The following CTNNA2 variants were observed in gnomAD, a reference collection of about 807,000 sequenced individuals.
CTNNA2 encodes the protein catenin alpha 2, also known as catenin alpha-2.
A neutral mutation model predicts 101.0 loss-of-function variants in CTNNA2; 42 were observed. That is an observed-to-expected ratio of 0.42 (90% CI 0.32 to 0.54). The LOEUF (loss-of-function observed/expected upper bound fraction) is 0.54. Ranked by LOEUF, CTNNA2 falls within the 20% of genes least tolerant of loss-of-function variation. CTNNA2 has a pLI of 0.14. For synonymous variants in CTNNA2, 450 were observed against 456.4 expected (o/e 0.99, Z 0.18); for missense variants, 871 against 1,223.1 (o/e 0.71, Z 4.29).
chr2:80,644,795 G>A (rs889562081), intron 18 of CTNNA2, among the ~76,000 whole-genome samples: 1 of 152,098 alleles, frequency 6.6e-6, no homozygotes, highest in South Asian at 2.1e-4. Flanking sequence ...ATCTGCCTTA[G>A]CAGGTGGCTT....
At position 80,383,884 on chromosome 2, in the gene CTNNA2, A is replaced by T. The variant is rs1173937041; in HGVS notation, c.1057-9327A>T. On this transcript the variant is annotated intron_variant, in intron 7 of 18. Transcript: ENST00000402739. ...CACGTACTAATTTGTTTATTGCAGC[A>T]CTCTTCACAATAGCAAAGACATGGT... Among the ~76,000 whole-genome samples, 2 of 152,096 alleles carry T rather than the reference A, an allele frequency of 1.3e-5. 1 individual carries two copies. The highest frequency in any genetic ancestry group is 3.9e-4 in the East Asian group (2 of 5,190).
At chr2:79,199,738 C>A (rs541148052) in intron 2 of CTNNA2, among the ~76,000 whole-genome samples, 1 of 152,084 alleles carries the variant, frequency 6.6e-6, no homozygotes, top group African/African-American at 2.4e-5. Context: ...AACAAGGTGC[C>A]AGCTGATTCA....
intron 3 of CTNNA2, among the ~76,000 whole-genome samples, chr2:79,823,365 A>G (rs1678168700): frequency 6.6e-6 from 1 of 152,210 alleles, no homozygotes; most frequent in African/African-American, 2.4e-5. Flanking sequence ...TAAGAGACAG[A>G]ACCATAATCG....
chr2:80,006,840 T>A (rs1354897183), intron 7 of CTNNA2, among the ~76,000 whole-genome samples: 1 of 152,162 alleles, frequency 6.6e-6, no homozygotes, highest in African/African-American at 2.4e-5. Context: ...ATTTTCACTC[T>A]GTTCTTATTG....
At chr2:79,935,911 C>T (rs1341219696) in intron 7 of CTNNA2, among the ~76,000 whole-genome samples, 1 of 152,162 alleles carries the variant, frequency 6.6e-6, no homozygotes, top group African/African-American at 2.4e-5. Context: ...AGTCACAGTT[C>T]TTTGGACTGT....
chr2:80,039,118 G>A (rs1695865192), intron 7 of CTNNA2, among the ~76,000 whole-genome samples: 1 of 152,126 alleles, frequency 6.6e-6, no homozygotes, highest in African/African-American at 2.4e-5. Context: ...TGTTTTATAT[G>A]TGTGTTTCTT....
At chr2:79,242,540 C>A (rs902754324) in intron 2 of CTNNA2, among the ~76,000 whole-genome samples, 1 of 152,146 alleles carries the variant, frequency 6.6e-6, no homozygotes, top group Non-Finnish European at 1.5e-5. Context: ...AACACTTTAG[C>A]ACTCATCTCT....
At chr2:79,442,050 A>T (rs1039746799) in intron 4 of CTNNA2, among the ~76,000 whole-genome samples, 1 of 151,850 alleles carries the variant, frequency 6.6e-6, no homozygotes, top group African/African-American at 2.4e-5. Context: ...CATACCACAG[A>T]TTTTCTTTTT....
Position 79,539,679 on chromosome 2 carries a change from G to A in CTNNA2, c.-6+26472G>A, listed in dbSNP as rs192400586. ...TGTTTGCCCTCAGTTGTTGAATCCT[G>A]TGATCTCATTTTTCCCTTCTGGTCA... On this transcript the variant is annotated intron_variant, in intron 1 of 18. Transcript: ENST00000402739. 4.8e-4 allele frequency among the ~76,000 whole-genome samples: 73 copies of A among 152,282 alleles called. 2 individuals carry two copies. Among genetic ancestry groups the A allele is most frequent in the African/African-American group, 1.7e-3 (71 of 41,562 alleles).
chr2:79,577,714 A>G (rs1196835096), intron 1 of CTNNA2, among the ~76,000 whole-genome samples: 2 of 152,092 alleles, frequency 1.3e-5, no homozygotes, highest in Non-Finnish European at 2.9e-5. Flanking sequence ...AGGTGTATAA[A>G]AGTAAGTGAC....
intron 7 of CTNNA2, among the ~76,000 whole-genome samples, chr2:79,934,175 A>G (rs1046021780): frequency 1.3e-5 from 2 of 152,214 alleles, no homozygotes; most frequent in African/African-American, 4.8e-5. Flanking sequence ...AATTTTGCCT[A>G]TCATCCAAAT....
intron 2 of CTNNA2, among the ~76,000 whole-genome samples, chr2:79,303,336 C>T (rs769897691): frequency 2.6e-5 from 4 of 152,136 alleles, no homozygotes; most frequent in Non-Finnish European, 5.9e-5. Flanking sequence ...TCTCCAGGTT[C>T]CTCTGACTCC....
At chr2:80,210,326 T>C (rs1362867278) in intron 7 of CTNNA2, among the ~76,000 whole-genome samples, 1 of 152,166 alleles carries the variant, frequency 6.6e-6, no homozygotes, top group African/African-American at 2.4e-5. Context: ...AACTCGTCAT[T>C]TATATTAGGT....
At chr2:79,593,065 G>A (rs1248223849) in intron 1 of CTNNA2, among the ~76,000 whole-genome samples, 1 of 152,192 alleles carries the variant, frequency 6.6e-6, no homozygotes, top group East Asian at 1.9e-4. Flanking sequence ...TGCAGGAATA[G>A]TTTGACAAAA....
At chr2:79,894,056 CTTCT>C (rs1558619692) in intron 6 of CTNNA2, among the ~76,000 whole-genome samples, 375 of 112,140 alleles carry the variant, frequency 3.3e-3, no homozygotes, top group African/African-American at 0.01. Flanking sequence ...TCTTCTTCTT[CTTCT>C]TCTTCCTCCT....
chr2:79,545,880 T>A (rs1324098867), intron 1 of CTNNA2, among the ~76,000 whole-genome samples: 1 of 152,236 alleles, frequency 6.6e-6, no homozygotes, highest in African/African-American at 2.4e-5. Context: ...GCACTTCATA[T>A]GTGTCAGGCA....
At chr2:79,873,755 A>T (rs953199024) in intron 5 of CTNNA2, among the ~76,000 whole-genome samples, 12 of 151,270 alleles carry the variant, frequency 7.9e-5, no homozygotes, top group Non-Finnish European at 1.5e-5. Flanking sequence ...TTTTTTAACT[A>T]GCCTGGTGTG....
chr2:80,367,528 A>T (rs1420453302), intron 7 of CTNNA2, among the ~76,000 whole-genome samples: 1 of 151,660 alleles, frequency 6.6e-6, no homozygotes, highest in African/African-American at 2.4e-5. Context: ...TTTATTTTTT[A>T]TTTTATTTTA....
chr2:79,490,707 T>C (rs556205688), intron 4 of CTNNA2, among the ~76,000 whole-genome samples: 115 of 152,278 alleles, frequency 7.6e-4, no homozygotes, highest in Non-Finnish European at 1.4e-3. Context: ...ACTTAGGCCT[T>C]AGGCTTTAAA....
Sources: allele counts gnomAD v4.1 joint callset (sites outside exome capture counted in the v4.1 genomes callset), GRCh38; gene constraint gnomAD v4.1.1; transcripts MANE v1.5; gene names NCBI Gene and HGNC (gene_info 2026-07-23, HGNC 2026-07-21).